ATRNL1: variants seen among roughly 807,000 people sequenced by gnomAD.
ATRNL1 encodes attractin like 1.
In ATRNL1, 95 loss-of-function variants were observed where a neutral mutation model predicts 182.7. The ratio of observed to expected loss-of-function variants is 0.52; its 90% CI spans 0.44 to 0.62. The LOEUF (loss-of-function observed/expected upper bound fraction) is 0.62, where lower values mean the gene tolerates loss of function less well. Ranked by LOEUF, ATRNL1 falls within the 20% of genes least tolerant of loss-of-function variation. The probability of loss-of-function intolerance (pLI) is 0.00; values close to 1 mark genes in which losing one functional copy is unlikely to be tolerated. For missense variants in ATRNL1, 1,471 were observed against 1,679.5 expected, an observed-to-expected ratio of 0.88 and a Z score of 2.17; for synonymous variants, 576 against 568.3, an observed-to-expected ratio of 1.01 and a Z score of -0.19.
chr10:115,826,550 G>A (rs559216647), intron 27 of ATRNL1, among the ~76,000 whole-genome samples: 30 of 152,236 alleles, frequency 2.0e-4, no homozygotes, highest in African/African-American at 7.2e-4. Flanking sequence ...TGGTGAGCAG[G>A]GGTGTTAGAG....
chr10:115,179,495 G>T (rs1592219603), intron 8 of ATRNL1, among the ~76,000 whole-genome samples: 1 of 152,056 alleles, frequency 6.6e-6, no homozygotes, highest in East Asian at 1.9e-4. Flanking sequence ...TCCTGTTGTG[G>T]TAGGTCTCAG....
intron 24 of ATRNL1, among the ~76,000 whole-genome samples, chr10:115,515,584 G>T (rs1850597092): frequency 6.6e-6 from 1 of 151,642 alleles, no homozygotes; most frequent in South Asian, 2.1e-4. Flanking sequence ...AATGTTTATT[G>T]TCTTCTTTTT....
At chr10:115,943,501 C>A (rs1414958221) in intron 28 of ATRNL1, among the ~76,000 whole-genome samples, 2 of 152,162 alleles carry the variant, frequency 1.3e-5, no homozygotes, top group African/African-American at 4.8e-5. Flanking sequence ...GAATGGCTAA[C>A]ACCTAAAACA....
chr10:115,199,750 T>C (rs1414014167), intron 8 of ATRNL1, among the ~76,000 whole-genome samples: 2 of 152,144 alleles, frequency 1.3e-5, no homozygotes. Context: ...TTAGCTACAC[T>C]GGCATTAGTG....
rs1441836248 is a variant in ATRNL1, at chr10:115,188,971, C to T, written c.1348+17679C>T. On this transcript the variant is annotated intron_variant, in intron 8 of 28. Coordinates refer to ENST00000355044, the MANE Select transcript of ATRNL1 (RefSeq NM_207303.4). ...TGTGGTAGAGTTTCATTTGTGCAGA[C>T]CTTTTTAGGAATAATTAAGTAAAAT... Among the ~76,000 whole-genome samples, 4 of 152,108 alleles carry T rather than the reference C, an allele frequency of 2.6e-5. No individual in the cohort carries two copies. In the East Asian group the frequency reaches 5.8e-4, roughly 22 times the overall value.
intron 24 of ATRNL1, among the ~76,000 whole-genome samples, chr10:115,474,858 C>G (rs1848463152): frequency 6.6e-6 from 1 of 151,322 alleles, no homozygotes; most frequent in South Asian, 2.1e-4. Context: ...AAAGTATGGA[C>G]TGACTAACCA....
intron 6 of ATRNL1, among the ~76,000 whole-genome samples, chr10:115,164,247 C>G (rs112170503): frequency 0.022 from 3,406 of 152,182 alleles, 48 homozygotes; most frequent in South Asian, 0.035. Flanking sequence ...CCAACAGTGA[C>G]TTATTTTTAT....
At chr10:115,464,422 A>T (rs1275147422) in intron 22 of ATRNL1, among the ~76,000 whole-genome samples, 1 of 151,990 alleles carries the variant, frequency 6.6e-6, no homozygotes, top group Non-Finnish European at 1.5e-5. Flanking sequence ...TTTCTGTATA[A>T]CATTATTTTG....
At chr10:115,615,596 A>G (rs1857387265) in intron 26 of ATRNL1, among the ~76,000 whole-genome samples, 1 of 152,122 alleles carries the variant, frequency 6.6e-6, no homozygotes, top group African/African-American at 2.4e-5. Context: ...TATTGGAGGT[A>G]GGTCCTGGTT....
chr10:115,167,601 G>T (rs1847105401), intron 7 of ATRNL1, among the ~76,000 whole-genome samples: 1 of 151,904 alleles, frequency 6.6e-6, no homozygotes, highest in African/African-American at 2.4e-5. Flanking sequence ...GTCTAAATAT[G>T]AATTTATATG....
intron 26 of ATRNL1, 69 bp from the exon 27 acceptor site, chr10:115,727,179 A>G (rs1947625135): frequency 5.7e-6 from 6 of 1,060,984 alleles, no homozygotes; most frequent in East Asian, 4.8e-5. Context: ...AAAAGAGGGA[A>G]CCAGATATTG....
chr10:115,136,623 A>G (rs530921865), intron 5 of ATRNL1, among the ~76,000 whole-genome samples: 2 of 152,312 alleles, frequency 1.3e-5, no homozygotes, highest in Admixed American at 6.5e-5. Flanking sequence ...TACCCCTGCC[A>G]ACCACTGATC....
chr10:115,178,165 C>T (rs1264715446), intron 8 of ATRNL1, among the ~76,000 whole-genome samples: 1 of 152,118 alleles, frequency 6.6e-6, no homozygotes, highest in East Asian at 1.9e-4. Flanking sequence ...CTTCTTCGAC[C>T]TCCCAAAGTG....
intron 26 of ATRNL1, among the ~76,000 whole-genome samples, chr10:115,690,854 C>T (rs1233102666): frequency 1.3e-5 from 2 of 152,236 alleles, no homozygotes; most frequent in East Asian, 1.9e-4. Context: ...CCTATGCTAG[C>T]GTCAGGGTTT....
intron 26 of ATRNL1, among the ~76,000 whole-genome samples, chr10:115,593,131 G>T (rs1856016178): frequency 6.6e-6 from 1 of 152,200 alleles, no homozygotes. Context: ...AAGGGCAAAA[G>T]AATGCAAGAG....
At chr10:115,904,323 C>G (rs7902099) in intron 28 of ATRNL1, among the ~76,000 whole-genome samples, 12,012 of 152,206 alleles carry the variant, frequency 0.079, 1,427 homozygotes, top group African/African-American at 0.26. Context: ...CTGTGCTCCC[C>G]TCCACAGGAA....
At chr10:115,368,710 G>A (rs375168284) in intron 19 of ATRNL1, among the ~76,000 whole-genome samples, 4 of 149,016 alleles carry the variant, frequency 2.7e-5, no homozygotes, top group African/African-American at 5.1e-5. Context: ...TTGTATATTC[G>A]ATTCTATTTT....
intron 28 of ATRNL1, among the ~76,000 whole-genome samples, chr10:115,883,538 T>C (rs1324095601): frequency 6.6e-6 from 1 of 152,250 alleles, no homozygotes; most frequent in African/African-American, 2.4e-5. Flanking sequence ...TACATGGGTA[T>C]GGTATACCGT....
intron 15 of ATRNL1, among the ~76,000 whole-genome samples, chr10:115,292,388 CCTT>C (rs1297900353): frequency 2.6e-5 from 4 of 151,198 alleles, no homozygotes; most frequent in Non-Finnish European, 3.0e-5. Context: ...TTATTTTTTT[CCTT>C]CTTCTAATTT....
Sources: allele counts gnomAD v4.1 joint callset (sites outside exome capture counted in the v4.1 genomes callset), GRCh38; gene constraint gnomAD v4.1.1; transcripts MANE v1.5; gene names NCBI Gene and HGNC (gene_info 2026-07-23, HGNC 2026-07-21).